HLTF: variants seen among roughly 807,000 people sequenced by gnomAD.
The protein encoded by HLTF is helicase like transcription factor.
A neutral mutation model predicts 129.4 loss-of-function variants in HLTF; 127 were observed. The ratio of observed to expected loss-of-function variants is 0.98; its 90% confidence interval spans 0.85 to 1.14. HLTF has a LOEUF of 1.14. HLTF is among the 50% of genes most tolerant of loss of function. The pLI is 0.00. For synonymous variants in HLTF, 332 were observed against 388.8 expected (o/e 0.85, Z 1.72); for missense variants, 1,139 against 1,187.1 (o/e 0.96, Z 0.60).
At position 149,046,271 on chromosome 3, in the gene HLTF, A is replaced by G; in HGVS notation, c.1893-12T>C. 1 of 1,345,184 alleles carries G rather than the reference A, an allele frequency of 7.4e-7. No individual in the cohort carries two copies. The highest frequency in any genetic ancestry group is 1.0e-6 in the Non-Finnish European group (1 of 972,564). The allele number at this position is 1,345,184 out of a possible 1,614,324, so 83.3% of individuals were successfully genotyped here. ...GGGACTGTAAACGCCTAATCAGAAT[A>G]AAACAAATAATTATGTAACTTTTAA... On this transcript the variant is annotated splice_polypyrimidine_tract_variant and intron_variant, in intron 17 of 24. Coordinates refer to ENST00000310053, the MANE Select transcript of HLTF (RefSeq NM_003071.4).
At chr3:149,039,005 G>C (rs1341452438) in intron 23 of HLTF, 44 bp downstream of exon 23, 1 of 1,169,306 alleles carries the variant, frequency 8.6e-7, no homozygotes, top group Non-Finnish European at 1.2e-6. Context: ...TTATTTTTTT[G>C]AAAGAAGTAC....
intron 5 of HLTF, among the ~76,000 whole-genome samples, chr3:149,072,039 T>C (rs750723952): frequency 2.7e-4 from 41 of 152,100 alleles, no homozygotes; most frequent in Non-Finnish European, 5.0e-4. Flanking sequence ...GGCAAGAAAG[T>C]GAGACCCTGT....
intron 17 of HLTF, 106 bp from the exon 18 acceptor site, chr3:149,046,365 G>T: frequency 1.6e-6 from 1 of 607,390 alleles, no homozygotes; most frequent in Non-Finnish European, 2.6e-6. Flanking sequence ...TATAGCTTCT[G>T]TAAAAGTGTT....
At chr3:149,037,100 A>T (rs1000188918) in intron 23 of HLTF, among the ~76,000 whole-genome samples, 2 of 152,236 alleles carry the variant, frequency 1.3e-5, no homozygotes, top group African/African-American at 4.8e-5. Context: ...ATCTATAGTT[A>T]CAAATATTTT....
intron 10 of HLTF, among the ~76,000 whole-genome samples, chr3:149,061,645 G>A (rs1263857124): frequency 2.6e-5 from 4 of 151,528 alleles, no homozygotes; most frequent in African/African-American, 9.7e-5. Flanking sequence ...AGACCAGACT[G>A]GCTAACATGG....
At chr3:149,060,196 G>A (rs910557331) in intron 12 of HLTF, among the ~76,000 whole-genome samples, 5 of 151,776 alleles carry the variant, frequency 3.3e-5, no homozygotes, top group East Asian at 1.9e-4. Context: ...ATTTCTCAAC[G>A]AATGAGAAAT....
intron 10 of HLTF, among the ~76,000 whole-genome samples, chr3:149,061,230 C>A (rs1717918809): frequency 6.6e-6 from 1 of 151,866 alleles, no homozygotes; most frequent in African/African-American, 2.4e-5. Context: ...CCACTACACC[C>A]AGCGAATTTC....
chr3:149,044,673 CT>C (rs2107975026), intron 18 of HLTF, among the ~76,000 whole-genome samples: 1 of 152,218 alleles, frequency 6.6e-6, no homozygotes, highest in Non-Finnish European at 1.5e-5. Context: ...CTGATCTTAG[CT>C]TAAAAAAATC....
intron 8 of HLTF, 83 bp from the exon 9 acceptor site, chr3:149,064,949 C>T (rs1184089830): frequency 6.8e-6 from 5 of 737,638 alleles, no homozygotes; most frequent in Admixed American, 2.5e-5. Context: ...TATTGCTTTA[C>T]TTTGCATAAT....
Position 149,060,858 on chromosome 3 carries a change from T to C in HLTF, c.1161A>G (p.Arg387=). ...CTATGTACTGGACAGCAGTTTTTCT[T>C]CTAAAATTAAGTATACACAAAGAAA... ...MSELSSSRPK[R]RKTAVQYIES... is the part of the protein sequence containing the mutation. The change falls in exon 11 of 25, where the codon AGA becomes AGG. Residue 387 remains arginine, a splice_region_variant and synonymous_variant. Coordinates refer to ENST00000310053, the MANE Select transcript of HLTF (RefSeq NM_003071.4). The C allele has an allele frequency of 6.2e-7, 1 of 1,606,974 alleles. No homozygotes were observed. Among genetic ancestry groups the C allele is most frequent in the South Asian group, 1.1e-5 (1 of 90,080 alleles).
chr3:149,082,761 T>C (rs913731120), intron 2 of HLTF, among the ~76,000 whole-genome samples: 2 of 152,222 alleles, frequency 1.3e-5, no homozygotes, highest in African/African-American at 4.8e-5. Context: ...AACTCAAAAA[T>C]GTCCATCAAC....
intron 10 of HLTF, among the ~76,000 whole-genome samples, chr3:149,061,865 A>G (rs1246388095): frequency 6.6e-6 from 1 of 152,026 alleles, no homozygotes; most frequent in Non-Finnish European, 1.5e-5. Context: ...AAGAAAAGAA[A>G]AAAGAATTGG....
At chr3:149,068,456 CT>C (rs2108037614) in intron 7 of HLTF, 121 bp from the exon 8 acceptor site, 1 of 515,808 alleles carries the variant, frequency 1.9e-6, no homozygotes, top group African/African-American at 1.9e-5. Context: ...CAAAAGTGTA[CT>C]GTATATTAAT....
Position 149,084,740 on chromosome 3 carries a change from GA to G in HLTF, c.169del (p.Ser57ProfsTer7), listed in dbSNP as rs1270722189. The G allele has an allele frequency of 1.2e-6, 2 of 1,613,832 alleles. No individual in the cohort carries two copies. The highest frequency in any genetic ancestry group is 1.7e-6 in the Non-Finnish European group (2 of 1,179,978). ...ACCTCTCAAACTTCCAAATAAAACG[GA>G]ATCTACTTCTTCATCACTAGTTAGA... is the stretch of plus-strand genomic sequence containing the variant. Reference protein sequence around the residue: ...DFLTSDEEVDSVLFGSLRGHV... With the variant: ...DFLTSDEEVDXVLFGSLRGHV... On this transcript the variant is annotated frameshift_variant, in exon 2 of 25. Coordinates refer to ENST00000310053, the MANE Select transcript of HLTF (RefSeq NM_003071.4). LOFTEE classifies it high-confidence loss of function.
intron 23 of HLTF, among the ~76,000 whole-genome samples, chr3:149,035,683 A>G (rs371010358): frequency 0.023 from 3,016 of 130,230 alleles, 72 homozygotes; most frequent in Middle Eastern, 0.059. Flanking sequence ...AAAAAAAAAA[A>G]GGGGGTTTTA....
At chr3:149,041,359 A>T in intron 20 of HLTF, 131 bp downstream of exon 20, 1 of 474,152 alleles carries the variant, frequency 2.1e-6, no homozygotes, top group Non-Finnish European at 3.6e-6. Context: ...CTATTAAAAT[A>T]CTGGAATAAT....
chr3:149,044,691 C>G (rs1334676426), intron 18 of HLTF, among the ~76,000 whole-genome samples: 1 of 152,162 alleles, frequency 6.6e-6, no homozygotes, highest in Non-Finnish European at 1.5e-5. Flanking sequence ...AATCTCTGCT[C>G]TTCCCATAGA....
In HLTF at chr3:149,073,274, G is replaced by C. The variant is rs1392883245; in HGVS notation, c.578C>G (p.Pro193Arg). ...ESGWGSGRAGPSYSMPVHAAV... is the reference protein window; with the variant it reads ...ESGWGSGRAGRSYSMPVHAAV... Reference sequence around the variant, plus strand: ...AGCATGCACTGGCATACTATAGCTTGGTCCAGCTCTTCCAGAGCCCCAACC... The same window carrying C: ...AGCATGCACTGGCATACTATAGCTTCGTCCAGCTCTTCCAGAGCCCCAACC... Residue 193 changes from proline to arginine, a missense_variant, in exon 5 of 25, where the codon CCA (proline) becomes CGA (arginine). Transcript: ENST00000310053. 2 of 1,613,048 alleles carry C rather than the reference G, an allele frequency of 1.2e-6. No individual in the cohort carries two copies. The highest frequency in any genetic ancestry group is 8.5e-7 in the Non-Finnish European group (1 of 1,179,388).
intron 14 of HLTF, among the ~76,000 whole-genome samples, chr3:149,052,836 T>C (rs1297982587): frequency 6.6e-6 from 1 of 152,184 alleles, no homozygotes; most frequent in Admixed American, 6.5e-5. Flanking sequence ...GTGCATTATT[T>C]GTAAAGGGAT....
Sources: gnomAD v4.1 joint callset for allele counts (sites outside exome capture counted in the v4.1 genomes callset) on GRCh38, gnomAD v4.1.1 for gene constraint, MANE v1.5 for transcripts, NCBI Gene and HGNC (gene_info 2026-07-23, HGNC 2026-07-21) for gene names.